Variants in RCAN2 observed in about 807,000 individuals in gnomAD.
RCAN2 encodes the protein regulator of calcineurin 2, also known as calcipressin-2.
A neutral mutation model predicts 23.6 loss-of-function variants in RCAN2; 9 were observed. The observed-to-expected ratio is 0.38, with a 90% CI of 0.23 to 0.67. The LOEUF (loss-of-function observed/expected upper bound fraction) is 0.67. Among genes scored for constraint, RCAN2 ranks in the 30% least tolerant of loss-of-function variants. RCAN2 has a pLI of 0.51. For missense variants in RCAN2, 273 were observed against 302.3 expected, an observed-to-expected ratio of 0.90 and a Z score of 0.72; for synonymous variants, 109 against 115.7, an observed-to-expected ratio of 0.94 and a Z score of 0.37.
intron 2 of RCAN2, among the ~76,000 whole-genome samples, chr6:46,267,370 T>G (rs1767369616): frequency 6.6e-6 from 1 of 152,152 alleles, no homozygotes; most frequent in South Asian, 2.1e-4. Context: ...TAACTTTACC[T>G]AAGTTTATCA....
chr6:46,289,277 C>A lies in RCAN2; in HGVS notation c.226-40381G>T, dbSNP rs150529420. Among the ~76,000 whole-genome samples, 569 of 152,258 alleles carry A rather than the reference C, an allele frequency of 3.7e-3. 3 individuals are homozygous for A. Among genetic ancestry groups the A allele is most frequent in the African/African-American group, 0.013 (535 of 41,536 alleles). ...CCTGGGTCTCTGGATGAGAACACAG[C>A]CTATGGTGAACTGCAACGAACTAGA... On this transcript the variant is annotated intron_variant, in intron 2 of 4. Coordinates refer to ENST00000371374, the MANE Select transcript of RCAN2 (RefSeq NM_001251974.2).
chr6:46,463,433 C>T (rs1292484754), intron 1 of RCAN2, among the ~76,000 whole-genome samples: 2 of 152,174 alleles, frequency 1.3e-5, no homozygotes, highest in Non-Finnish European at 2.9e-5. Context: ...TGTTAGTGAA[C>T]TCCTTGTAGT....
intron 2 of RCAN2, among the ~76,000 whole-genome samples, chr6:46,399,337 C>T (rs1042160349): frequency 9.9e-5 from 15 of 151,632 alleles, no homozygotes; most frequent in Admixed American, 8.5e-4. Context: ...CTTTGAATGG[C>T]TAATACACTT....
chr6:46,487,325 T>C (rs1769022463), intron 1 of RCAN2, among the ~76,000 whole-genome samples: 1 of 152,248 alleles, frequency 6.6e-6, no homozygotes, highest in Non-Finnish European at 1.5e-5. Context: ...AGTTATTTAA[T>C]GTGCTGTGTG....
intron 2 of RCAN2, among the ~76,000 whole-genome samples, chr6:46,405,109 G>A (rs1463883183): frequency 6.6e-6 from 1 of 152,174 alleles, no homozygotes; most frequent in Non-Finnish European, 1.5e-5. Flanking sequence ...GACCCTCGCG[G>A]TGAGTGTTAC....
intron 1 of RCAN2, among the ~76,000 whole-genome samples, chr6:46,485,100 G>A (rs1768962348): frequency 6.6e-6 from 1 of 152,060 alleles, no homozygotes; most frequent in African/African-American, 2.4e-5. Flanking sequence ...TCTGTCCTAA[G>A]AAAATAATCC....
chr6:46,478,079 G>A (rs1269366032), intron 1 of RCAN2, among the ~76,000 whole-genome samples: 1 of 152,178 alleles, frequency 6.6e-6, no homozygotes, highest in East Asian at 1.9e-4. Context: ...TTCCAAGGAT[G>A]CTACGATGAT....
intron 1 of RCAN2, among the ~76,000 whole-genome samples, chr6:46,479,670 C>T (rs1254487642): frequency 1.3e-5 from 2 of 149,108 alleles, no homozygotes; most frequent in Non-Finnish European, 3.0e-5. Context: ...GCAGCCTCTG[C>T]CTCCCGGGTT....
chr6:46,317,049 C>T (rs1292183948), intron 2 of RCAN2, among the ~76,000 whole-genome samples: 3 of 152,162 alleles, frequency 2.0e-5, no homozygotes, highest in Non-Finnish European at 4.4e-5. Context: ...CTTTCACTGC[C>T]TCTGCCCTAC....
intron 2 of RCAN2, among the ~76,000 whole-genome samples, chr6:46,391,927 T>G (rs545197070): frequency 4.2e-4 from 64 of 152,108 alleles, no homozygotes; most frequent in African/African-American, 1.3e-3. Flanking sequence ...AAGAGAAAAA[T>G]CAAGGTTTAC....
At chr6:46,410,091 T>C (rs937887173) in intron 2 of RCAN2, among the ~76,000 whole-genome samples, 1 of 152,140 alleles carries the variant, frequency 6.6e-6, no homozygotes, top group Admixed American at 6.5e-5. Flanking sequence ...TCTCCAGCCT[T>C]AGAATTCTGG....
intron 4 of RCAN2, among the ~76,000 whole-genome samples, chr6:46,231,380 AT>A (rs1765881827): frequency 6.6e-6 from 1 of 151,128 alleles, no homozygotes; most frequent in African/African-American, 2.4e-5. Context: ...GAGTCTATAA[AT>A]TTTTGTCATA....
intron 2 of RCAN2, among the ~76,000 whole-genome samples, chr6:46,327,727 C>G (rs1763840407): frequency 6.6e-6 from 1 of 152,200 alleles, no homozygotes; most frequent in South Asian, 2.1e-4. Flanking sequence ...GTTTAACAAT[C>G]AGCTCTCTGA....
At chr6:46,335,249 C>T (rs1337122538) in intron 2 of RCAN2, among the ~76,000 whole-genome samples, 2 of 152,282 alleles carry the variant, frequency 1.3e-5, no homozygotes, top group Admixed American at 6.5e-5. Context: ...GGAGAAAGGA[C>T]ATCAAATTCT....
intron 2 of RCAN2, among the ~76,000 whole-genome samples, chr6:46,252,261 C>T (rs1294907696): frequency 6.6e-6 from 1 of 152,224 alleles, no homozygotes. Context: ...AATTCTCCAC[C>T]TGCCATTACA....
chr6:46,240,034 C>G (rs1176772880), intron 4 of RCAN2, among the ~76,000 whole-genome samples: 2 of 152,116 alleles, frequency 1.3e-5, no homozygotes, highest in Non-Finnish European at 2.9e-5. Context: ...AGTAAAGGGG[C>G]TCCTCCACAT....
chr6:46,413,421 TGA>T (rs1246632766), intron 2 of RCAN2, among the ~76,000 whole-genome samples: 5 of 152,224 alleles, frequency 3.3e-5, no homozygotes, highest in Non-Finnish European at 7.3e-5. Context: ...TTTTTTTATG[TGA>T]AATTCCCTTC....
chr6:46,316,185 T>C (rs16874575), intron 2 of RCAN2, among the ~76,000 whole-genome samples: 108,709 of 152,018 alleles, frequency 0.72, 40,461 homozygotes, highest in Non-Finnish European at 0.83. Flanking sequence ...AAACTTAGAA[T>C]TCCATGTACA....
At chr6:46,324,832 GC>G (rs1763738887) in intron 2 of RCAN2, among the ~76,000 whole-genome samples, 1 of 152,202 alleles carries the variant, frequency 6.6e-6, no homozygotes, top group Middle Eastern at 3.2e-3. Flanking sequence ...AAAATGACTT[GC>G]TTTCTTTGCC....
Sources: gnomAD v4.1 joint callset for allele counts (sites outside exome capture counted in the v4.1 genomes callset) on GRCh38, gnomAD v4.1.1 for gene constraint, MANE v1.5 for transcripts, NCBI Gene and HGNC (gene_info 2026-07-23, HGNC 2026-07-21) for gene names.